The following NLN variants were observed in gnomAD, a reference collection of about 807,000 sequenced individuals.
The protein encoded by NLN is neurolysin, also known as neurolysin, mitochondrial.
In NLN, 64 loss-of-function variants were observed where a neutral mutation model predicts 79.9. The ratio of observed to expected loss-of-function variants is 0.80; its 90% CI spans 0.65 to 0.99. NLN has a LOEUF of 0.99. NLN is among the 50% of genes least tolerant of loss of function. The pLI is 0.00. For synonymous variants in NLN, 267 were observed against 296.6 expected (o/e 0.90, Z 1.02); for missense variants, 835 against 858.7 (o/e 0.97, Z 0.34).
At chr5:65,758,885 A>C (rs991359935) in intron 2 of NLN, 59 bp downstream of exon 2, 5 of 1,468,562 alleles carry the variant, frequency 3.4e-6, no homozygotes, top group African/African-American at 2.8e-5. Flanking sequence ...AAATCATTTC[A>C]TGCTTTCTGT....
chr5:65,741,432 C>T (rs554612906), intron 1 of NLN, among the ~76,000 whole-genome samples: 5 of 152,028 alleles, frequency 3.3e-5, no homozygotes, highest in Admixed American at 1.3e-4. Context: ...TTTGACTGAA[C>T]CAGTCTTAAC....
At chr5:65,726,224 T>TA (rs1758467375) in intron 1 of NLN, among the ~76,000 whole-genome samples, 2 of 152,214 alleles carry the variant, frequency 1.3e-5, no homozygotes, top group South Asian at 4.1e-4. Flanking sequence ...GGACAACCCT[T>TA]ATACTCAGGT....
intron 12 of NLN, among the ~76,000 whole-genome samples, chr5:65,821,300 G>A (rs1760791094): frequency 6.6e-6 from 1 of 152,136 alleles, no homozygotes; most frequent in Non-Finnish European, 1.5e-5. Context: ...CCTTCCTAAA[G>A]ACTATTTTAT....
chr5:65,809,063 A>G (rs1760484389), intron 9 of NLN: 1 of 156,000 alleles, frequency 6.4e-6, no homozygotes, highest in Non-Finnish European at 1.4e-5. Flanking sequence ...GACCTAAGCA[A>G]TAGAGTGATG....
intron 3 of NLN, among the ~76,000 whole-genome samples, chr5:65,772,159 G>A (rs1282431859): frequency 6.6e-6 from 1 of 152,062 alleles, no homozygotes; most frequent in East Asian, 1.9e-4. Flanking sequence ...TTTCCCCATT[G>A]GCTAGGCATC....
chr5:65,771,796 G>A (rs1759572956), intron 3 of NLN, among the ~76,000 whole-genome samples: 4 of 151,886 alleles, frequency 2.6e-5, no homozygotes, highest in Admixed American at 1.3e-4. Context: ...GTGAGCGGAT[G>A]GCCTAAGCCC....
chr5:65,788,890 T>C (rs1410753145), intron 8 of NLN, among the ~76,000 whole-genome samples: 1 of 151,848 alleles, frequency 6.6e-6, no homozygotes, highest in Admixed American at 6.6e-5. Flanking sequence ...GAGGATCACT[T>C]GAGCCTCAGA....
chr5:65,796,502 G>T (rs1422104826), intron 9 of NLN, among the ~76,000 whole-genome samples: 1 of 152,088 alleles, frequency 6.6e-6, no homozygotes, highest in East Asian at 1.9e-4. Flanking sequence ...TTAAAGTTTT[G>T]CCTAACCTCA....
intron 1 of NLN, among the ~76,000 whole-genome samples, chr5:65,739,845 G>C (rs1758833059): frequency 2.0e-5 from 3 of 151,938 alleles, no homozygotes; most frequent in African/African-American, 7.3e-5. Flanking sequence ...ATTTTTTATT[G>C]GGGTTGTTTT....
intron 6 of NLN, among the ~76,000 whole-genome samples, chr5:65,784,297 A>G (rs564593247): frequency 1.3e-5 from 2 of 152,164 alleles, no homozygotes; most frequent in African/African-American, 4.8e-5. Flanking sequence ...CAATTTTTGT[A>G]TTTTTAATAC....
intron 12 of NLN, among the ~76,000 whole-genome samples, chr5:65,813,372 A>G (rs1470638262): frequency 1.3e-5 from 2 of 152,070 alleles, no homozygotes; most frequent in African/African-American, 4.8e-5. Context: ...TCTCACAGAC[A>G]TACCTATTCC....
intron 7 of NLN, among the ~76,000 whole-genome samples, chr5:65,786,816 C>T (rs1759934350): frequency 6.6e-6 from 1 of 152,104 alleles, no homozygotes; most frequent in East Asian, 1.9e-4. Flanking sequence ...GAGCCATGAT[C>T]ATGCCACTGT....
At chr5:65,740,153 A>G (rs773216876) in intron 1 of NLN, among the ~76,000 whole-genome samples, 8 of 152,154 alleles carry the variant, frequency 5.3e-5, no homozygotes, top group East Asian at 1.9e-4. Flanking sequence ...GAGGCTAGGT[A>G]ATTTATAAAG....
At chr5:65,782,947 G>A (rs934163013) in intron 6 of NLN, among the ~76,000 whole-genome samples, 12 of 152,162 alleles carry the variant, frequency 7.9e-5, no homozygotes, top group African/African-American at 2.9e-4. Flanking sequence ...TTCCCAGCCT[G>A]CAATGTCTGG....
At chr5:65,765,294 G>A (rs1306672989) in intron 3 of NLN, among the ~76,000 whole-genome samples, 1 of 152,180 alleles carries the variant, frequency 6.6e-6, no homozygotes, top group Non-Finnish European at 1.5e-5. Context: ...AAGGCGGGTG[G>A]ATCACGGGAG....
intron 11 of NLN, among the ~76,000 whole-genome samples, chr5:65,810,528 G>GT (rs536467250): frequency 2.6e-5 from 4 of 151,974 alleles, no homozygotes; most frequent in East Asian, 1.9e-4. Flanking sequence ...AACTTTTTAA[G>GT]TTTTTTTTCC....
In NLN at chr5:65,780,299, T is replaced by G; in HGVS notation, c.661+18T>G. The G allele has an allele frequency of 1.9e-6, 2 of 1,026,692 alleles. No homozygotes were observed. Among genetic ancestry groups the G allele is most frequent in the South Asian group, 2.9e-5 (2 of 68,690 alleles). The allele number at this position is 1,026,692 out of a possible 1,614,324, so 63.6% of individuals were successfully genotyped here. ...TGAACTTGGTAAGTTTTATTATTTTTCTAGATTAAATCATATAATTTAGGC... is the reference window on the plus strand; with the variant it reads ...TGAACTTGGTAAGTTTTATTATTTTGCTAGATTAAATCATATAATTTAGGC... On this transcript the variant is annotated intron_variant, in intron 5 of 12. Transcript: ENST00000380985.
chr5:65,778,934 G>A (rs545414741), intron 4 of NLN, among the ~76,000 whole-genome samples: 1 of 152,262 alleles, frequency 6.6e-6, no homozygotes, highest in Admixed American at 6.5e-5. Context: ...CGAGGCCTGG[G>A]TTATCTGAAC....
At chr5:65,744,958 G>A (rs1579917420) in intron 1 of NLN, among the ~76,000 whole-genome samples, 1 of 152,198 alleles carries the variant, frequency 6.6e-6, no homozygotes. Context: ...CTTTAAGGAA[G>A]AATTTGCCAT....
Sources: allele counts gnomAD v4.1 joint callset (sites outside exome capture counted in the v4.1 genomes callset), GRCh38; gene constraint gnomAD v4.1.1; transcripts MANE v1.5; gene names NCBI Gene and HGNC (gene_info 2026-07-23, HGNC 2026-07-21).